Variants in RNF14 observed in about 807,000 individuals in gnomAD.
RNF14 encodes the protein ring finger protein 14, also known as E3 ubiquitin-protein ligase RNF14.
A neutral mutation model predicts 52.6 loss-of-function variants in RNF14; 26 were observed. That is an observed-to-expected ratio of 0.49 (90% CI 0.36 to 0.69). The LOEUF (loss-of-function observed/expected upper bound fraction) is 0.69. Among genes scored for constraint, RNF14 ranks in the 30% least tolerant of loss-of-function variants. The probability of loss-of-function intolerance (pLI) is 0.00; values close to 1 mark genes in which losing one functional copy is unlikely to be tolerated. For missense variants in RNF14, 404 were observed against 560.4 expected (o/e 0.72, Z 2.82); for synonymous variants, 194 against 202.0 (o/e 0.96, Z 0.34).
At chr5:141,959,595 C>T (rs1262212535) in intron 1 of RNF14, among the ~76,000 whole-genome samples, 3 of 152,222 alleles carry the variant, frequency 2.0e-5, no homozygotes, top group East Asian at 3.8e-4. Flanking sequence ...CCAAGTGGCA[C>T]TAGTCAGGGC....
intron 2 of RNF14, among the ~76,000 whole-genome samples, chr5:141,973,332 G>A (rs745650260): frequency 4.2e-4 from 63 of 149,214 alleles, no homozygotes; most frequent in Non-Finnish European, 6.2e-4. Flanking sequence ...TCCACCTCCC[G>A]GTTCAAGCGA....
Position 141,974,872 on chromosome 5 carries a change from C to G in RNF14, c.223C>G (p.Leu75Val). 2 of 1,614,142 alleles carry G rather than the reference C, an allele frequency of 1.2e-6. No homozygotes were observed. The highest frequency in any genetic ancestry group is 1.7e-6 in the Non-Finnish European group (2 of 1,179,996). Residue 75 changes from leucine to valine, a missense_variant, in exon 4 of 9, where the codon CTG (leucine) becomes GTG (valine). By Grantham distance (32) the Leu-to-Val change is conservative (BLOSUM62 1). Coordinates refer to ENST00000394520, the MANE Select transcript of RNF14 (RefSeq NM_004290.5). ...CATTTGCTTTCTGCCTCCACTTGTG[C>G]TGAACTTTGAACTGCCACCAGATTA... ...YTICFLPPLVLNFELPPDYPS... is the reference protein window; with the variant it reads ...YTICFLPPLVVNFELPPDYPS...
chr5:141,964,741 G>A (rs1237971603), upstream of RNF14, among the ~76,000 whole-genome samples: 3 of 151,372 alleles, frequency 2.0e-5, no homozygotes, highest in Non-Finnish European at 4.4e-5. Context: ...GGCCTCCCGA[G>A]TAGCTGGGAT....
chr5:141,957,011 A>C, upstream of RNF14: 2 of 1,613,708 alleles, frequency 1.2e-6, no homozygotes, highest in Non-Finnish European at 1.7e-6. The surrounding 1 kb of genome is among the most constrained non-coding windows in gnomAD (Gnocchi z 4.3). Context: ...CTGAGGAAGA[A>C]CTCCACCTCC....
chr5:141,964,391 C>T (rs571495930), upstream of RNF14, among the ~76,000 whole-genome samples: 10 of 152,190 alleles, frequency 6.6e-5, no homozygotes, highest in Middle Eastern at 3.4e-3. Flanking sequence ...ATCTGTGTGA[C>T]GATGGCAAGT....
At chr5:141,961,300 G>A (rs1295491368) in intron 1 of RNF14, among the ~76,000 whole-genome samples, 2 of 152,130 alleles carry the variant, frequency 1.3e-5, no homozygotes, top group Non-Finnish European at 2.9e-5. Context: ...GATTTCATAG[G>A]TGGTTTTTAT....
At chr5:141,986,992 T>C (rs1293819036) in intron 8 of RNF14, among the ~76,000 whole-genome samples, 1 of 152,208 alleles carries the variant, frequency 6.6e-6, no homozygotes, top group Non-Finnish European at 1.5e-5. Flanking sequence ...ACATCCTCCA[T>C]AGACTGGCTA....
chr5:141,984,773 A>C (rs1367495078), intron 7 of RNF14, 30 bp from the exon 8 acceptor site: 7 of 1,610,734 alleles, frequency 4.3e-6, no homozygotes, highest in Non-Finnish European at 5.9e-6. Context: ...TACAGCCTTG[A>C]TATTTTTCTC....
chr5:141,949,401 C>G, the RNF14 span: 1 of 1,591,236 alleles, frequency 6.3e-7, no homozygotes, highest in Non-Finnish European at 8.6e-7. Flanking sequence ...GGGGCAGAAG[C>G]AGGGTCAAGG....
At chr5:141,958,868 A>G (rs1753228774) in intron 1 of RNF14, 2 of 152,356 alleles carry the variant, frequency 1.3e-5, no homozygotes, top group South Asian at 4.1e-4. Flanking sequence ...GCCCCGAGTC[A>G]CAGGCAGTGA....
At position 141,980,224 on chromosome 5, in the gene RNF14, G is replaced by C. The variant is rs141694109; in HGVS notation, c.936G>C (p.Pro312=). 7 of 1,614,208 alleles carry C rather than the reference G, an allele frequency of 4.3e-6. No individual in the cohort carries two copies. The African/African-American group carries it at 9.3e-5, about 22-fold the overall frequency. Residue 312 remains proline (P), a synonymous_variant, in exon 6 of 9, where the codon CCG becomes CCC. Transcript: ENST00000394520. Reference sequence around the variant, plus strand: ...CAGATGTGGTGTACTGCCCCCGGCCGTGCTGCCAGCTGCCTGTGATGCAGG... The same window carrying C: ...CAGATGTGGTGTACTGCCCCCGGCCCTGCTGCCAGCTGCCTGTGATGCAGG... ...LMADVVYCPR[P]CCQLPVMQEP...
upstream of RNF14, chr5:141,968,836 G>C (rs571351070): frequency 6.6e-6 from 1 of 152,388 alleles, no homozygotes; most frequent in African/African-American, 2.4e-5. Flanking sequence ...TGTTGTGAGA[G>C]TCTCTGCCCT....
At chr5:141,962,061 G>A (rs1031072430), upstream of RNF14, among the ~76,000 whole-genome samples, 2 of 152,120 alleles carry the variant, frequency 1.3e-5, no homozygotes, top group African/African-American at 4.8e-5. Context: ...CAAGCTCAGC[G>A]TCTTTTTTCA....
intron 4 of RNF14, among the ~76,000 whole-genome samples, chr5:141,976,952 C>G (rs998002305): frequency 4.6e-5 from 7 of 152,126 alleles, no homozygotes; most frequent in African/African-American, 1.4e-4. Context: ...CCACACCTGG[C>G]TAATTTTTTG....
upstream of RNF14, among the ~76,000 whole-genome samples, chr5:141,968,193 T>C (rs1753424779): frequency 6.6e-6 from 1 of 151,752 alleles, no homozygotes. Flanking sequence ...GTAACCTCTG[T>C]CTCCTGGGTT....
At chr5:141,967,741 A>G (rs1171852784), upstream of RNF14, among the ~76,000 whole-genome samples, 2 of 152,270 alleles carry the variant, frequency 1.3e-5, no homozygotes, top group African/African-American at 2.4e-5. Flanking sequence ...TGAGGAGCAC[A>G]TTAGTTTGAT....
chr5:141,973,609 A>C lies in RNF14; in HGVS notation c.21A>C (p.Glu7Asp). MSSEDREAQEDELLALA... is the reference protein window; with the variant it reads MSSEDRDAQEDELLALA... ...TCCTTATGTCGTCAGAAGATCGAGA[A>C]GCTCAGGAGGATGAATTGCTGGCCC... Residue 7 changes from glutamate (E) to aspartate (D), a missense_variant, in exon 3 of 9, where the codon GAA (glutamate) becomes GAC (aspartate). Coordinates refer to ENST00000394520, the MANE Select transcript of RNF14 (RefSeq NM_004290.5). The C allele has an allele frequency of 6.2e-7, 1 of 1,609,236 alleles. No individual in the cohort carries two copies. Among genetic ancestry groups the C allele is most frequent in the Non-Finnish European group, 8.5e-7 (1 of 1,178,718 alleles).
upstream of RNF14, chr5:141,957,325 G>A: frequency 6.2e-7 from 1 of 1,613,422 alleles, no homozygotes; most frequent in Non-Finnish European, 8.5e-7. The surrounding 1 kb of genome is among the most constrained non-coding windows in gnomAD (Gnocchi z 4.3). Flanking sequence ...GTGCTCACTG[G>A]GAGACAGAGT....
chr5:141,979,386 T>C (rs1204106124), intron 5 of RNF14, among the ~76,000 whole-genome samples: 3 of 152,066 alleles, frequency 2.0e-5, no homozygotes, highest in Non-Finnish European at 4.4e-5. Context: ...GTAGCTGGGA[T>C]TACAGGCACC....
Sources: gnomAD v4.1 joint callset for allele counts (sites outside exome capture counted in the v4.1 genomes callset) on GRCh38, gnomAD v4.1.1 for gene constraint, Gnocchi (gnomAD v3.1) non-coding constraint, MANE v1.5 for transcripts, NCBI Gene and HGNC (gene_info 2026-07-23, HGNC 2026-07-21) for gene names.